The following FBXL5 variants were observed in gnomAD, a reference collection of about 807,000 sequenced individuals.
FBXL5 encodes F-box/LRR-repeat protein 5.
Under a neutral mutation model 78.3 loss-of-function variants are expected in FBXL5, and 26 were observed. The ratio of observed to expected loss-of-function variants is 0.33; its 90% CI spans 0.24 to 0.46. The LOEUF is 0.46. Among genes scored for constraint, FBXL5 ranks in the 20% least tolerant of loss-of-function variants. The pLI, the probability that FBXL5 is intolerant of heterozygous loss-of-function variation, is 1.00. For missense variants in FBXL5, 710 were observed against 829.2 expected (o/e 0.86, Z 1.77); for synonymous variants, 295 against 282.5 (o/e 1.04, Z -0.45).
chr4:15,623,984 G>A (rs111960541), intron 9 of FBXL5, among the ~76,000 whole-genome samples: 2,455 of 151,874 alleles, frequency 0.016, 67 homozygotes, highest in African/African-American at 0.056. Context: ...CACCGTGCCC[G>A]GCTAATTTTT....
At chr4:15,623,998 T>TG (rs1347651994) in intron 9 of FBXL5, among the ~76,000 whole-genome samples, 1 of 151,866 alleles carries the variant, frequency 6.6e-6, no homozygotes, top group Non-Finnish European at 1.5e-5. Context: ...AATTTTTTTT[T>TG]TATTTTTAGT....
intron 2 of FBXL5, among the ~76,000 whole-genome samples, chr4:15,641,928 G>A (rs1714926082): frequency 3.3e-5 from 5 of 151,994 alleles, no homozygotes; most frequent in Admixed American, 3.3e-4. Context: ...TCGAGAGGCT[G>A]AGGCACGGAG....
At chr4:15,606,234 C>A (rs6823775) in intron 10 of FBXL5, among the ~76,000 whole-genome samples, 114,732 of 151,966 alleles carry the variant, frequency 0.75, 43,570 homozygotes, top group East Asian at 0.91. Flanking sequence ...TAAATATTAT[C>A]TTCAAATTTT....
At position 15,625,946 on chromosome 4, in the gene FBXL5, G is replaced by C. The variant is rs750629737; in HGVS notation, c.1156C>G (p.Arg386Gly). Residue 386 changes from arginine to glycine, a missense_variant, in exon 9 of 11, where the codon CGG becomes GGG. Physicochemically the swap from Arg to Gly is moderately radical, Grantham distance 125. Transcript: ENST00000341285. ...TCACAACCAGACAGATCAAGATGCC[G>C]AAGACTCTGGCAGCAACCAAGCCAA... Reference protein sequence around the residue: ...WSWLGCCQSLRHLDLSGCEKI... With the variant: ...WSWLGCCQSLGHLDLSGCEKI... 1 of 1,598,632 alleles carries C rather than the reference G, an allele frequency of 6.3e-7. No homozygotes were observed. The highest frequency in any genetic ancestry group is 8.5e-7 in the Non-Finnish European group (1 of 1,174,476).
At chr4:15,611,736 T>A (rs1722281222) in intron 10 of FBXL5, among the ~76,000 whole-genome samples, 1 of 152,084 alleles carries the variant, frequency 6.6e-6, no homozygotes, top group South Asian at 2.1e-4. Context: ...CTAAAGCATC[T>A]CAGACTCTTC....
At chr4:15,660,507 T>G (rs1182763481), upstream of FBXL5, among the ~76,000 whole-genome samples, 1 of 152,214 alleles carries the variant, frequency 6.6e-6, no homozygotes, top group Non-Finnish European at 1.5e-5. Context: ...ATCTTATTTG[T>G]GTTCACTGAC....
intron 9 of FBXL5, among the ~76,000 whole-genome samples, chr4:15,622,543 G>C (rs1712593314): frequency 6.6e-6 from 1 of 152,092 alleles, no homozygotes; most frequent in Non-Finnish European, 1.5e-5. Flanking sequence ...GGCATTCTCT[G>C]TATTCTTAAG....
intron 5 of FBXL5, 64 bp from the exon 6 acceptor site, chr4:15,630,855 A>G: frequency 1.2e-5 from 19 of 1,588,226 alleles, no homozygotes; most frequent in Non-Finnish European, 1.6e-5. Flanking sequence ...ATTATGAAAA[A>G]CTAAGCTATT....
chr4:15,615,004 C>T (rs891822646), intron 9 of FBXL5, among the ~76,000 whole-genome samples: 10 of 152,172 alleles, frequency 6.6e-5, no homozygotes, highest in African/African-American at 2.4e-4. Flanking sequence ...GCCCCGCACT[C>T]AGAGCAGCCG....
intron 7 of FBXL5, among the ~76,000 whole-genome samples, chr4:15,627,451 TTA>T: frequency 6.6e-6 from 1 of 152,300 alleles, no homozygotes; most frequent in East Asian, 1.9e-4. Flanking sequence ...GTTTTAGCAG[TTA>T]TGAGACTAAA....
intron 1 of FBXL5, among the ~76,000 whole-genome samples, chr4:15,680,395 G>C (rs1718180937): frequency 6.6e-6 from 1 of 152,182 alleles, no homozygotes; most frequent in South Asian, 2.1e-4. Context: ...GAGAGGCTGG[G>C]TGCAGTGGCT....
chr4:15,665,090 C>A (rs552974073), intron 1 of FBXL5, among the ~76,000 whole-genome samples: 1 of 152,154 alleles, frequency 6.6e-6, no homozygotes, highest in South Asian at 2.1e-4. Context: ...ACATTGCTAC[C>A]CCAGATGAAA....
intron 1 of FBXL5, among the ~76,000 whole-genome samples, chr4:15,652,753 T>C (rs1006863407): frequency 1.1e-4 from 17 of 152,338 alleles, no homozygotes; most frequent in East Asian, 3.9e-4. Context: ...AAGTTCAATA[T>C]TGAAAATAGT....
intron 6 of FBXL5, 68 bp downstream of exon 6, chr4:15,630,598 T>C: frequency 5.8e-6 from 8 of 1,370,490 alleles, no homozygotes; most frequent in Non-Finnish European, 7.7e-6. Flanking sequence ...TAATACCTAA[T>C]AATTATAAGT....
intron 9 of FBXL5, among the ~76,000 whole-genome samples, chr4:15,618,833 G>A (rs963277892): frequency 1.6e-4 from 24 of 151,892 alleles, no homozygotes; most frequent in African/African-American, 2.9e-4. Context: ...GCAAGACTCC[G>A]TCTCTAAAAA....
upstream of FBXL5, among the ~76,000 whole-genome samples, chr4:15,663,051 A>C (rs896482713): frequency 6.6e-6 from 1 of 152,212 alleles, no homozygotes; most frequent in African/African-American, 2.4e-5. Flanking sequence ...GGTAGCTTTA[A>C]GATGGGTCAA....
intron 10 of FBXL5, among the ~76,000 whole-genome samples, chr4:15,609,321 TA>T (rs1722086944): frequency 6.6e-6 from 1 of 152,176 alleles, no homozygotes; most frequent in South Asian, 2.1e-4. Context: ...AGAATAATCT[TA>T]TAAGAAAGCA....
At chr4:15,661,294 A>G (rs142703503), upstream of FBXL5, among the ~76,000 whole-genome samples, 1 of 152,310 alleles carries the variant, frequency 6.6e-6, no homozygotes, top group East Asian at 1.9e-4. Context: ...CAGTGAAGAG[A>G]CAGTAAAGCA....
upstream of FBXL5, among the ~76,000 whole-genome samples, chr4:15,655,624 G>C (rs1716838574): frequency 6.6e-6 from 1 of 152,208 alleles, no homozygotes. Context: ...GTAGGGGAAA[G>C]TCGTTGCAGT....
Sources: allele counts gnomAD v4.1 joint callset (sites outside exome capture counted in the v4.1 genomes callset), GRCh38; gene constraint gnomAD v4.1.1; transcripts MANE v1.5; gene names NCBI Gene and HGNC (gene_info 2026-07-23, HGNC 2026-07-21).